CNTNAP2: variants seen among roughly 807,000 people sequenced by gnomAD.
CNTNAP2 encodes the protein contactin-associated protein-like 2.
A neutral mutation model predicts 155.2 loss-of-function variants in CNTNAP2; 98 were observed. The observed-to-expected ratio is 0.63, with a 90% CI of 0.54 to 0.75. The LOEUF is 0.75. Ranked by LOEUF, CNTNAP2 falls within the 30% of genes least tolerant of loss-of-function variation. The pLI, the probability that CNTNAP2 is intolerant of heterozygous loss-of-function variation, is 0.00. For missense variants in CNTNAP2, 1,727 were observed against 1,688.1 expected, an observed-to-expected ratio of 1.02 and a Z score of -0.40; for synonymous variants, 651 against 631.2, an observed-to-expected ratio of 1.03 and a Z score of -0.47.
chr7:147,873,947 C>T (rs1799378234), intron 13 of CNTNAP2, among the ~76,000 whole-genome samples: 1 of 152,178 alleles, frequency 6.6e-6, no homozygotes, highest in South Asian at 2.1e-4. Flanking sequence ...ACAGGGCAGT[C>T]ATTAAACCTT....
intron 9 of CNTNAP2, among the ~76,000 whole-genome samples, chr7:147,359,010 G>T (rs1441562566): frequency 6.6e-6 from 1 of 152,132 alleles, no homozygotes; most frequent in Admixed American, 6.6e-5. Flanking sequence ...AAAGGTAATT[G>T]TCTTATACCT....
At chr7:146,394,798 C>T in intron 1 of CNTNAP2, among the ~76,000 whole-genome samples, 1 of 152,098 alleles carries the variant, frequency 6.6e-6, no homozygotes, top group Non-Finnish European at 1.5e-5. Context: ...TTGTTTCATG[C>T]ATATATTGCA....
chr7:146,369,068 C>G (rs1345915490), intron 1 of CNTNAP2, among the ~76,000 whole-genome samples: 5 of 141,692 alleles, frequency 3.5e-5, no homozygotes, highest in African/African-American at 1.4e-4. Context: ...TATATATACT[C>G]ATAACTCTTC....
At chr7:147,927,564 G>A (rs1221869966) in intron 14 of CNTNAP2, among the ~76,000 whole-genome samples, 2 of 152,184 alleles carry the variant, frequency 1.3e-5, no homozygotes, top group Non-Finnish European at 2.9e-5. Flanking sequence ...GCATAGGCTA[G>A]TAAATTGACC....
chr7:147,069,177 C>T (rs185350366), intron 4 of CNTNAP2, among the ~76,000 whole-genome samples: 3 of 152,314 alleles, frequency 2.0e-5, no homozygotes, highest in African/African-American at 7.2e-5. Flanking sequence ...ACCCAAACAC[C>T]TCTCACTAGG....
At chr7:147,181,214 C>T (rs967920558) in intron 8 of CNTNAP2, among the ~76,000 whole-genome samples, 1 of 152,002 alleles carries the variant, frequency 6.6e-6, no homozygotes, top group African/African-American at 2.4e-5. Context: ...GCAGGTGGCC[C>T]AGAGAGACCA....
At chr7:147,121,342 A>G in intron 6 of CNTNAP2, 179 bp downstream of exon 6, 1 of 612,268 alleles carries the variant, frequency 1.6e-6, no homozygotes, top group East Asian at 3.0e-5. Context: ...TAAATTTATA[A>G]TCATGAGTAC....
chr7:146,945,176 C>T (rs1248697973), intron 3 of CNTNAP2, among the ~76,000 whole-genome samples: 2 of 152,170 alleles, frequency 1.3e-5, no homozygotes, highest in African/African-American at 2.4e-5. Flanking sequence ...ACGATCTTGT[C>T]TGTTCTTGTT....
chr7:148,308,389 G>A (rs1342870702), intron 21 of CNTNAP2, among the ~76,000 whole-genome samples: 1 of 151,932 alleles, frequency 6.6e-6, no homozygotes, highest in African/African-American at 2.4e-5. Context: ...ACTACAGAAA[G>A]CTTAACCAAT....
At chr7:146,913,556 C>G (rs79233859) in intron 3 of CNTNAP2, among the ~76,000 whole-genome samples, 3 of 151,964 alleles carry the variant, frequency 2.0e-5, no homozygotes, top group Admixed American at 1.3e-4. Flanking sequence ...GGTGGTGGCC[C>G]TCTTTCGGCA....
At chr7:147,376,047 G>T (rs1352424743) in intron 9 of CNTNAP2, among the ~76,000 whole-genome samples, 7 of 152,030 alleles carry the variant, frequency 4.6e-5, no homozygotes, top group African/African-American at 7.2e-5. Context: ...GAAGAAGTAT[G>T]ATAATGTGTG....
chr7:147,939,391 C>T (rs773219813), intron 14 of CNTNAP2, among the ~76,000 whole-genome samples: 6 of 151,906 alleles, frequency 3.9e-5, no homozygotes, highest in South Asian at 2.1e-4. Flanking sequence ...TGCAGTGGCA[C>T]GATCTCAGCT....
chr7:148,288,074 G>A (rs531209642), intron 21 of CNTNAP2, among the ~76,000 whole-genome samples: 2 of 149,810 alleles, frequency 1.3e-5, no homozygotes, highest in South Asian at 2.1e-4. Context: ...ACAGGCGTGA[G>A]CCACCGCGCC....
chr7:146,396,367 C>A (rs921501958), intron 1 of CNTNAP2, among the ~76,000 whole-genome samples: 5 of 151,904 alleles, frequency 3.3e-5, no homozygotes, highest in South Asian at 2.1e-4. Flanking sequence ...AGATATTAAG[C>A]AAGAAAACAC....
Position 146,604,325 on chromosome 7 carries a change from G to A in CNTNAP2, c.98-169946G>A. ...GCAGCCAAAAAACACATGAAAAAAT[G>A]CTCATCATCACTGGCCATCAGAGAA... On this transcript the variant is annotated intron_variant, in intron 1 of 23. Coordinates refer to ENST00000361727, the MANE Select transcript of CNTNAP2 (RefSeq NM_014141.6). 8.2e-5 allele frequency among the ~76,000 whole-genome samples: 10 copies of A among 122,504 alleles called. No homozygotes were observed. The South Asian group carries it at 8.6e-4, about 10-fold the overall frequency. 80.4% of individuals were successfully genotyped at this position (122,504 alleles called of 152,430 possible).
At chr7:147,678,174 G>A (rs1461312807) in intron 13 of CNTNAP2, among the ~76,000 whole-genome samples, 1 of 151,754 alleles carries the variant, frequency 6.6e-6, no homozygotes, top group African/African-American at 2.4e-5. Context: ...TTTCCAGGAT[G>A]TTACATGAGC....
chr7:146,763,186 C>T (rs1563220789), intron 1 of CNTNAP2, among the ~76,000 whole-genome samples: 1 of 152,184 alleles, frequency 6.6e-6, no homozygotes, highest in Non-Finnish European at 1.5e-5. Flanking sequence ...TCCTCACTGG[C>T]CTCCTAGGAC....
At chr7:146,942,737 A>G (rs1797080690) in intron 3 of CNTNAP2, among the ~76,000 whole-genome samples, 1 of 152,164 alleles carries the variant, frequency 6.6e-6, no homozygotes, top group African/African-American at 2.4e-5. Context: ...TGAGAATCAA[A>G]TTTATGTATA....
rs578083733 is a variant in CNTNAP2 at position 146,437,513 on chromosome 7, G to A, written c.97+320540G>A. 5.3e-5 allele frequency among the ~76,000 whole-genome samples: 8 copies of A among 151,106 alleles called. No individual in the cohort carries two copies. The East Asian group carries it at 9.7e-4, about 18-fold the overall frequency. ...TGGCATCTATTTACCATTCTCCCTC[G>A]CATTCATACAAAAATATTATGGTTG... On this transcript the variant is annotated intron_variant, in intron 1 of 23. Transcript: ENST00000361727.
Sources: gnomAD v4.1 joint callset for allele counts (sites outside exome capture counted in the v4.1 genomes callset) on GRCh38, gnomAD v4.1.1 for gene constraint, MANE v1.5 for transcripts, NCBI Gene and HGNC (gene_info 2026-07-23, HGNC 2026-07-21) for gene names.